The following ADAP2 variants were observed in gnomAD, a reference collection of about 807,000 sequenced individuals.
The protein encoded by ADAP2 is arf-GAP with dual PH domain-containing protein 2.
In ADAP2, 42 loss-of-function variants were observed where a neutral mutation model predicts 54.9. The observed-to-expected ratio is 0.77, with a 90% CI of 0.60 to 0.99. The LOEUF (loss-of-function observed/expected upper bound fraction) is 0.99. Ranked by LOEUF, ADAP2 falls within the 50% of genes least tolerant of loss-of-function variation. The pLI is 0.00. For missense variants in ADAP2, 429 were observed against 480.4 expected, an observed-to-expected ratio of 0.89 and a Z score of 1.00; for synonymous variants, 177 against 180.1, an observed-to-expected ratio of 0.98 and a Z score of 0.14.
chr17:30,921,951 C>T lies in ADAP2; in HGVS notation c.-64C>T, dbSNP rs1047945452. ...GCTGAGGCGCCGCGGCCGGGTCCCT[C>T]TCCACCTGCCGGGCGGAGCGCACGG... On this transcript the variant is annotated 5_prime_UTR_variant, in exon 1 of 11. Transcript: ENST00000330889. 2.3e-5 allele frequency: 27 copies of T among 1,156,304 alleles called. No individual in the cohort carries two copies. In the Admixed American group the frequency reaches 7.5e-4, roughly 32 times the overall value. The allele number at this position is 1,156,304 out of a possible 1,614,324, so 71.6% of individuals were successfully genotyped here.
At chr17:30,937,330 C>T (rs756298805) in intron 5 of ADAP2, among the ~76,000 whole-genome samples, 10 of 151,940 alleles carry the variant, frequency 6.6e-5, no homozygotes, top group South Asian at 2.1e-4. Context: ...CAAGTGATTC[C>T]CCTGCCTCAG....
At chr17:30,943,887 A>G (rs1232320280) in intron 5 of ADAP2, among the ~76,000 whole-genome samples, 2 of 146,492 alleles carry the variant, frequency 1.4e-5, no homozygotes, top group African/African-American at 2.6e-5. Context: ...AAATAAATAA[A>G]TAAATAAATA....
chr17:30,923,439 G>T (rs1389329438), intron 2 of ADAP2, among the ~76,000 whole-genome samples: 2 of 151,044 alleles, frequency 1.3e-5, no homozygotes, highest in Non-Finnish European at 3.0e-5. Flanking sequence ...TAATTTTTTT[G>T]TACTTAGTAG....
rs1220155161 is a variant in ADAP2 at position 30,954,679 on chromosome 17, G to A, written c.882+124G>A. On this transcript the variant is annotated intron_variant, in intron 9 of 10. Coordinates refer to ENST00000330889, the MANE Select transcript of ADAP2 (RefSeq NM_018404.3). ...AGAGCCCCAGAGCTAGAGAAACCTT[G>A]AGAGGAAAACCTCTACCCCTTGTTT... The A allele has an allele frequency of 2.6e-5, 20 of 779,736 alleles. No individual in the cohort carries two copies. In the South Asian group the frequency reaches 3.2e-4, roughly 12 times the overall value. 48.3% of individuals were successfully genotyped at this position (779,736 alleles called of 1,614,324 possible).
At chr17:30,938,874 C>T (rs1362006402) in intron 5 of ADAP2, among the ~76,000 whole-genome samples, 1 of 152,072 alleles carries the variant, frequency 6.6e-6, no homozygotes, top group Non-Finnish European at 1.5e-5. Context: ...CTATGCTTAA[C>T]AAAAATACTC....
intron 3 of ADAP2, 112 bp downstream of exon 3, chr17:30,927,030 G>A (rs1911108707): frequency 2.5e-6 from 2 of 796,490 alleles, no homozygotes; most frequent in Non-Finnish European, 4.2e-6. Flanking sequence ...TGGGCCTGGT[G>A]CGCAGGTGGA....
chr17:30,952,412 G>C (rs1361016964), intron 7 of ADAP2, among the ~76,000 whole-genome samples: 1 of 152,098 alleles, frequency 6.6e-6, no homozygotes, highest in African/African-American at 2.4e-5. Context: ...GTCTCCCTCT[G>C]TCACCCAGAC....
At position 30,933,873 on chromosome 17, in the gene ADAP2, T is replaced by G. The variant is rs546868299; in HGVS notation, c.398-312T>G. On this transcript the variant is annotated intron_variant, in intron 4 of 10. Coordinates refer to ENST00000330889, the MANE Select transcript of ADAP2 (RefSeq NM_018404.3). ...CATATGTATTTAGTATGTATTTAAG[T>G]GTCTTTCAGAATCAGTCCAGTTTCT... 2.6e-5 allele frequency among the ~76,000 whole-genome samples: 4 copies of G among 152,334 alleles called. No homozygotes were observed. The East Asian group carries it at 7.7e-4, about 29-fold the overall frequency.
At chr17:30,924,021 A>T (rs1393951962) in intron 2 of ADAP2, among the ~76,000 whole-genome samples, 1 of 152,088 alleles carries the variant, frequency 6.6e-6, no homozygotes, top group African/African-American at 2.4e-5. Flanking sequence ...CCAATGTCAC[A>T]GCACTGTTGT....
chr17:30,922,789 G>T (rs1910732453), intron 1 of ADAP2, 151 bp from the exon 2 acceptor site: 3 of 833,934 alleles, frequency 3.6e-6, no homozygotes, highest in Middle Eastern at 7.4e-4. Context: ...CCGCGCAGCG[G>T]CCGGTGGGCT....
At chr17:30,948,044 C>T (rs959005821) in intron 6 of ADAP2, among the ~76,000 whole-genome samples, 9 of 152,122 alleles carry the variant, frequency 5.9e-5, no homozygotes, top group South Asian at 4.1e-4. Context: ...CTATCTATTA[C>T]AACATCAAAA....
At chr17:30,953,192 C>A in intron 7 of ADAP2, 96 bp from the exon 8 acceptor site, 1 of 1,056,814 alleles carries the variant, frequency 9.5e-7, no homozygotes, top group East Asian at 2.4e-5. Context: ...ACATCCTTCC[C>A]CATTTCAAAC....
intron 8 of ADAP2, among the ~76,000 whole-genome samples, chr17:30,954,062 GC>G (rs1904878962): frequency 6.6e-6 from 1 of 152,176 alleles, no homozygotes; most frequent in Non-Finnish European, 1.5e-5. Context: ...GAGAGGCGCA[GC>G]CCCTCCGCCT....
chr17:30,928,215 G>C (rs962172594), intron 3 of ADAP2, among the ~76,000 whole-genome samples: 4 of 145,376 alleles, frequency 2.8e-5, no homozygotes, highest in South Asian at 4.3e-4. Flanking sequence ...AAAAAAAAAG[G>C]CCGGATGTGG....
chr17:30,924,176 C>A (rs567477185), intron 2 of ADAP2, among the ~76,000 whole-genome samples: 1 of 152,226 alleles, frequency 6.6e-6, no homozygotes, highest in East Asian at 1.9e-4. Flanking sequence ...AGTTCAAGAG[C>A]AGCCTGGGCA....
intron 6 of ADAP2, among the ~76,000 whole-genome samples, chr17:30,948,360 C>T (rs911645335): frequency 1.3e-4 from 19 of 150,874 alleles, no homozygotes; most frequent in East Asian, 3.9e-4. Flanking sequence ...GGGCAGATCA[C>T]GAGACCATCC....
intron 2 of ADAP2, among the ~76,000 whole-genome samples, chr17:30,926,156 G>C (rs181083984): frequency 5.4e-4 from 82 of 152,320 alleles, no homozygotes; most frequent in Middle Eastern, 3.4e-3. Context: ...CTGCAGAGGA[G>C]AAGAGGAGCA....
chr17:30,956,173 C>A, intron 9 of ADAP2, 68 bp from the exon 10 acceptor site: 2 of 1,425,510 alleles, frequency 1.4e-6, no homozygotes, highest in Non-Finnish European at 9.8e-7. Context: ...AGCTTGGAGG[C>A]TGTCAGGGCT....
chr17:30,929,695 T>G (rs1911333799), intron 3 of ADAP2, among the ~76,000 whole-genome samples: 1 of 152,118 alleles, frequency 6.6e-6, no homozygotes, highest in Non-Finnish European at 1.5e-5. Context: ...TCTTTTTTCT[T>G]TCTTTCTTTT....
Sources: gnomAD v4.1 joint callset for allele counts (sites outside exome capture counted in the v4.1 genomes callset) on GRCh38, gnomAD v4.1.1 for gene constraint, MANE v1.5 for transcripts, NCBI Gene and HGNC (gene_info 2026-07-23, HGNC 2026-07-21) for gene names.